The following ISY1 variants were observed in gnomAD, a reference collection of about 807,000 sequenced individuals.
The protein encoded by ISY1 is pre-mRNA-splicing factor ISY1 homolog.
ISY1 carries 12 observed loss-of-function variants against 54.4 expected under a neutral mutation model. The ratio of observed to expected loss-of-function variants is 0.22; its 90% CI spans 0.14 to 0.36. The LOEUF is 0.36. ISY1 is among the 10% of genes least tolerant of loss of function. The pLI is 1.00. For missense variants in ISY1, 282 were observed against 342.2 expected (o/e 0.82, Z 1.39); for synonymous variants, 96 against 117.9 (o/e 0.81, Z 1.20).
At chr3:129,133,979 CCT>C (rs1936315484) in intron 9 of ISY1, 93 bp downstream of exon 9, 2 of 1,573,836 alleles carry the variant, frequency 1.3e-6, no homozygotes, top group Non-Finnish European at 1.7e-6. Context: ...GGCTGTGAAC[CCT>C]GACTCTGTAT....
intron 7 of ISY1, among the ~76,000 whole-genome samples, chr3:129,135,218 G>A (rs190362284): frequency 6.8e-4 from 104 of 152,124 alleles, no homozygotes; most frequent in African/African-American, 2.2e-3. Flanking sequence ...GTGGTGGTGC[G>A]CACCTGTAAT....
At chr3:129,158,164 T>C (rs1348088737) in intron 3 of ISY1, among the ~76,000 whole-genome samples, 1 of 151,458 alleles carries the variant, frequency 6.6e-6, no homozygotes, top group Non-Finnish European at 1.5e-5. Flanking sequence ...CTACTTTTTT[T>C]TTTTTTTTTG....
intron 7 of ISY1, among the ~76,000 whole-genome samples, chr3:129,136,739 G>C (rs1282817375): frequency 1.3e-5 from 2 of 150,854 alleles, no homozygotes; most frequent in African/African-American, 4.9e-5. Context: ...ACCCAGGCTG[G>C]AGTGCAATGG....
chr3:129,137,923 A>C (rs1197088155), intron 7 of ISY1, among the ~76,000 whole-genome samples: 2 of 149,702 alleles, frequency 1.3e-5, no homozygotes, highest in African/African-American at 4.9e-5. Flanking sequence ...TCAAAAAAAA[A>C]AAAAAAAAAA....
rs545060137 is a variant in ISY1 at position 129,128,452 on chromosome 3, G to A, written c.*1629C>T. 6.5e-6 allele frequency: 1 copy of A among 153,590 alleles called. No homozygotes were observed. Among genetic ancestry groups the A allele is most frequent in the Non-Finnish European group, 1.5e-5 (1 of 68,870 alleles). The allele number at this position is 153,590 out of a possible 1,614,324, so 9.5% of individuals were successfully genotyped here. A position where few individuals can be genotyped will look rare whatever the true frequency, so the allele number is the denominator to read the frequency against. On this transcript the variant is annotated 3_prime_UTR_variant, in exon 11 of 11. Coordinates refer to ENST00000393295, the MANE Select transcript of ISY1 (RefSeq NM_020701.4). ...AGGGCCTCTGCCCCAGCCTCCTCCT[G>A]ACCTGGTCCTGCCTGGGCCTCTCCT...
chr3:129,153,047 T>A, intron 5 of ISY1, among the ~76,000 whole-genome samples: 1 of 149,190 alleles, frequency 6.7e-6, no homozygotes, highest in Non-Finnish European at 1.5e-5. Flanking sequence ...TGTCGCTCTG[T>A]CACCCAGGCT....
intron 5 of ISY1, among the ~76,000 whole-genome samples, chr3:129,156,278 A>G (rs1047189345): frequency 6.6e-6 from 1 of 151,672 alleles, no homozygotes; most frequent in African/African-American, 2.4e-5. Flanking sequence ...GGGCACCTGT[A>G]GTCCCAGCTA....
At position 129,137,145 on chromosome 3, in the gene ISY1, G is replaced by A. The variant is rs749970004; in HGVS notation, c.419-2191C>T. On this transcript the variant is annotated intron_variant, in intron 7 of 10. Transcript: ENST00000393295. ...GATCTCCTGACCTTGTGATCCGCCC[G>A]CCTCAGCCTCCCAAAGTGCTGGGAT... The A allele has an allele frequency of 5.0e-4, 164 of 327,294 alleles. No homozygotes were observed. The highest frequency in any genetic ancestry group is 6.5e-4 in the Non-Finnish European group (148 of 227,686). 20.3% of individuals were successfully genotyped at this position (327,294 alleles called of 1,614,324 possible).
In ISY1 at chr3:129,132,274, G is replaced by A. The variant is rs138483714; in HGVS notation, c.664-1638C>T. Among the ~76,000 whole-genome samples the A allele has an allele frequency of 1.1e-4, 17 of 152,248 alleles. No individual in the cohort carries two copies. The East Asian group carries it at 3.3e-3, about 29-fold the overall frequency. Reference sequence around the variant, plus strand: ...ACTACATGAGATACAACCACTGGGGGGAACTGGGTGAAGCATACACAAGAT... The same window carrying A: ...ACTACATGAGATACAACCACTGGGGAGAACTGGGTGAAGCATACACAAGAT... On this transcript the variant is annotated intron_variant, in intron 9 of 10. Transcript: ENST00000393295.
chr3:129,142,137 G>A (rs560440894), intron 6 of ISY1, among the ~76,000 whole-genome samples: 5 of 151,640 alleles, frequency 3.3e-5, no homozygotes, highest in Admixed American at 1.3e-4. Flanking sequence ...CCTGGGAGGC[G>A]GAGGTTAGGG....
intron 6 of ISY1, among the ~76,000 whole-genome samples, chr3:129,141,295 G>C (rs750018585): frequency 4.0e-4 from 60 of 151,468 alleles, no homozygotes; most frequent in East Asian, 1.2e-3. Flanking sequence ...GGGACACCAA[G>C]GTGGGAAGAT....
Position 129,129,776 on chromosome 3 carries a change from A to G in ISY1, c.*305T>C. ...TTGCATTTTTAAATGTTTGCCACTA[A>G]TTGATTCTTCTCCCCTCAAAATGGC... On this transcript the variant is annotated 3_prime_UTR_variant, in exon 11 of 11. Transcript: ENST00000393295. 3.7e-6 allele frequency: 1 copy of G among 272,334 alleles called. No homozygotes were observed. The highest frequency in any genetic ancestry group is 5.3e-5 in the Admixed American group (1 of 18,964). The allele number at this position is 272,334 out of a possible 1,614,324, so 16.9% of individuals were successfully genotyped here. A position where few individuals can be genotyped will look rare whatever the true frequency, so the allele number is the denominator to read the frequency against.
At position 129,159,092 on chromosome 3, in the gene ISY1, A is replaced by G. The variant is rs1220288508; in HGVS notation, c.26+62T>C. 44 of 1,580,264 alleles carry G rather than the reference A, an allele frequency of 2.8e-5. No homozygotes were observed. In the East Asian group the frequency reaches 9.6e-4, roughly 35 times the overall value. On this transcript the variant is annotated intron_variant, in intron 2 of 10. Coordinates refer to ENST00000393295, the MANE Select transcript of ISY1 (RefSeq NM_020701.4). ...GATACCAAAAAGAGGAAATACACAA[A>G]GAGTTACATGGTGGTTTTTAAGTTA...
chr3:129,156,619 A>C lies in ISY1; in HGVS notation c.187+14T>G, dbSNP rs1937148566. The C allele has an allele frequency of 6.2e-7, 1 of 1,610,922 alleles. No homozygotes were observed. The highest frequency in any genetic ancestry group is 8.5e-7 in the Non-Finnish European group (1 of 1,178,868). The stretch of plus-strand genomic sequence containing the variant: ...TTTGAGAATCAAGCACTTTAAAGGA[A>C]CAAGTTTGCTTACCATTCTGAATCT... On this transcript the variant is annotated intron_variant, in intron 5 of 10. Transcript: ENST00000393295.
intron 5 of ISY1, among the ~76,000 whole-genome samples, chr3:129,151,130 AT>A (rs1260279907): frequency 2.3e-4 from 33 of 146,242 alleles, no homozygotes; most frequent in South Asian, 4.2e-4. Context: ...TCAAAAAAAA[AT>A]ATATATATAT....
intron 7 of ISY1, among the ~76,000 whole-genome samples, chr3:129,137,690 C>T (rs1186007480): frequency 1.3e-5 from 2 of 151,966 alleles, no homozygotes; most frequent in African/African-American, 4.8e-5. Context: ...GCGGGCGGAT[C>T]ACGAGGTCAG....
Position 129,130,551 on chromosome 3 carries a change from T to A in ISY1, c.749A>T (p.Glu250Val). 6.2e-7 allele frequency: 1 copy of A among 1,614,108 alleles called. No homozygotes were observed. Among genetic ancestry groups the A allele is most frequent in the Non-Finnish European group, 8.5e-7 (1 of 1,179,988 alleles). ...IAHVPVPSQQ[E>V]IEEALVRRKK... ...GGCAGCTCTTAGCTGTGGTCCTACC[T>A]CTTGCTGCGAGGGAACAGGGACGTG... The change falls in exon 10 of 11, where the codon GAG becomes GTG. Residue 250 changes from glutamate to valine, a missense_variant and splice_region_variant. Physicochemically the swap from Glu to Val is moderately radical, Grantham distance 121. Around this residue, in one of 2 missense-constraint regions of ISY1, gnomAD observed 279 missense variants for 323.6 expected, o/e 0.86. Transcript: ENST00000393295.
At chr3:129,135,007 G>C in intron 7 of ISY1, 53 bp from the exon 8 acceptor site, 1 of 1,555,056 alleles carries the variant, frequency 6.4e-7, no homozygotes, top group Non-Finnish European at 8.7e-7. Context: ...ACACTCCAGC[G>C]AAGCTGTCTC....
At position 129,128,141 on chromosome 3, in the gene ISY1, G is replaced by C. The variant is rs1165900241; in HGVS notation, c.*1940C>G. The C allele has an allele frequency of 6.5e-6, 1 of 152,676 alleles. No individual in the cohort carries two copies. Among genetic ancestry groups the C allele is most frequent in the East Asian group, 1.9e-4 (1 of 5,182 alleles). The allele number at this position is 152,676 out of a possible 1,614,324, so 9.5% of individuals were successfully genotyped here. A position where few individuals can be genotyped will look rare whatever the true frequency, so the allele number is the denominator to read the frequency against. The stretch of plus-strand genomic sequence containing the variant: ...AGTATGGAAGGTGAGGCTGGGCCCA[G>C]AGGGTCTTGCTCAAAGCCCCCACGA... On this transcript the variant is annotated 3_prime_UTR_variant, in exon 11 of 11. Coordinates refer to ENST00000393295, the MANE Select transcript of ISY1 (RefSeq NM_020701.4).
Sources: gnomAD v4.1 joint callset for allele counts (sites outside exome capture counted in the v4.1 genomes callset) on GRCh38, gnomAD v4.1.1 for gene constraint, gnomAD v4.1.1 regional missense constraint, MANE v1.5 for transcripts, NCBI Gene and HGNC (gene_info 2026-07-23, HGNC 2026-07-21) for gene names.